GRIN2B: variants seen among roughly 807,000 people sequenced by gnomAD.
The protein encoded by GRIN2B is glutamate receptor ionotropic, NMDA 2B.
A neutral mutation model predicts 114.5 loss-of-function variants in GRIN2B; 5 were observed. The observed-to-expected ratio is 0.04, with a 90% CI of 0.02 to 0.09. GRIN2B has a LOEUF of 0.09. GRIN2B is among the 10% of genes least tolerant of loss of function. The pLI is 1.00. For synonymous variants in GRIN2B, 787 were observed against 745.1 expected, an observed-to-expected ratio of 1.06 and a Z score of -0.92; for missense variants, 1,108 against 1,943.5, an observed-to-expected ratio of 0.57 and a Z score of 8.08.
At position 13,592,523 on chromosome 12, in the gene GRIN2B, T is replaced by G. The variant is rs1465550116; in HGVS notation, c.2010+16080A>C. Among the ~76,000 whole-genome samples, 3 of 152,338 alleles carry G rather than the reference T, an allele frequency of 2.0e-5. No individual in the cohort carries two copies. The South Asian group carries it at 6.2e-4, about 32-fold the overall frequency. On this transcript the variant is annotated intron_variant, in intron 10 of 13. Coordinates refer to ENST00000609686, the MANE Select transcript of GRIN2B (RefSeq NM_000834.5). ...CTGCCTTTCTTTACCCACAACTGTC[T>G]TGGTAAATTCTTTTACCACCTGTGA...
chr12:13,792,934 T>C (rs1591733993), intron 3 of GRIN2B, among the ~76,000 whole-genome samples: 1 of 152,358 alleles, frequency 6.6e-6, no homozygotes, highest in Non-Finnish European at 1.5e-5. Flanking sequence ...TGGAGGATTG[T>C]GGTCTTAAAT....
chr12:13,628,670 A>G (rs551945236), intron 5 of GRIN2B, among the ~76,000 whole-genome samples: 70 of 152,358 alleles, frequency 4.6e-4, no homozygotes, highest in South Asian at 6.2e-4. Flanking sequence ...ATCAGATGAG[A>G]CTGCAGAGAG....
intron 4 of GRIN2B, among the ~76,000 whole-genome samples, chr12:13,746,889 C>T (rs1309731694): frequency 6.6e-6 from 1 of 152,202 alleles, no homozygotes; most frequent in Non-Finnish European, 1.5e-5. Context: ...CCACCTTCCA[C>T]CATGAGTGGA....
At chr12:13,841,248 G>C (rs764222643) in intron 3 of GRIN2B, among the ~76,000 whole-genome samples, 2 of 152,142 alleles carry the variant, frequency 1.3e-5, no homozygotes, top group Non-Finnish European at 2.9e-5. Context: ...CACACAGCTA[G>C]CCATGCCGGA....
At chr12:13,871,930 C>T (rs1235448384) in intron 2 of GRIN2B, among the ~76,000 whole-genome samples, 3 of 152,056 alleles carry the variant, frequency 2.0e-5, no homozygotes, top group Non-Finnish European at 4.4e-5. Context: ...AAAGCCCACA[C>T]CCCTAATGTG....
Position 13,550,484 on chromosome 12 carries a change from A to G in GRIN2B, c.*12299T>C, listed in dbSNP as rs1274885950. The G allele has an allele frequency of 6.6e-6, 1 of 152,218 alleles. No homozygotes were observed. The highest frequency in any genetic ancestry group is 1.5e-5 in the Non-Finnish European group (1 of 68,036). 9.4% of individuals were successfully genotyped at this position (152,218 alleles called of 1,614,324 possible). Reference sequence around the variant, plus strand: ...AAGGTGTGCAAGAGTCTCAGGAGGAATTCTGTCATAAAGAATATGTATGTA... The same window carrying G: ...AAGGTGTGCAAGAGTCTCAGGAGGAGTTCTGTCATAAAGAATATGTATGTA... On this transcript the variant is annotated 3_prime_UTR_variant, in exon 14 of 14. Transcript: ENST00000609686.
At chr12:13,840,624 A>C (rs1168643684) in intron 3 of GRIN2B, among the ~76,000 whole-genome samples, 2 of 152,180 alleles carry the variant, frequency 1.3e-5, no homozygotes, top group Non-Finnish European at 2.9e-5. Context: ...TAATATAGCC[A>C]CTGTAATAAA....
chr12:13,764,636 G>A (rs775515658), intron 3 of GRIN2B, among the ~76,000 whole-genome samples: 1 of 152,162 alleles, frequency 6.6e-6, no homozygotes, highest in South Asian at 2.1e-4. Flanking sequence ...TAAGAACTTG[G>A]CAAGTAAAAG....
chr12:13,812,580 A>G (rs1255462856), intron 3 of GRIN2B, among the ~76,000 whole-genome samples: 2 of 152,232 alleles, frequency 1.3e-5, no homozygotes, highest in Non-Finnish European at 2.9e-5. Flanking sequence ...ATATTAGTAC[A>G]ATATTCAACA....
intron 10 of GRIN2B, among the ~76,000 whole-genome samples, chr12:13,589,422 G>A (rs1292421331): frequency 6.6e-6 from 1 of 152,162 alleles, no homozygotes; most frequent in African/African-American, 2.4e-5. Flanking sequence ...TCTATTCTGA[G>A]GGCCTCTAGG....
chr12:13,781,055 A>T (rs530973658), intron 3 of GRIN2B, among the ~76,000 whole-genome samples: 2 of 152,072 alleles, frequency 1.3e-5, no homozygotes, highest in African/African-American at 2.4e-5. Flanking sequence ...TAGAAAAAAT[A>T]AAAAAATAAC....
chr12:13,798,829 A>G (rs1484639292), intron 3 of GRIN2B, among the ~76,000 whole-genome samples: 1 of 152,234 alleles, frequency 6.6e-6, no homozygotes, highest in Non-Finnish European at 1.5e-5. Flanking sequence ...TGTCCTCATG[A>G]CGATCTCTGT....
chr12:13,816,561 A>G (rs1404902153), intron 3 of GRIN2B, among the ~76,000 whole-genome samples: 2 of 152,168 alleles, frequency 1.3e-5, no homozygotes, highest in African/African-American at 4.8e-5. Context: ...CACTCTGGGA[A>G]GGAGTGAGCA....
intron 2 of GRIN2B, among the ~76,000 whole-genome samples, chr12:13,931,437 G>C (rs575458080): frequency 1.3e-5 from 2 of 152,186 alleles, no homozygotes; most frequent in Admixed American, 6.5e-5. Context: ...AGTCTTTTCT[G>C]TCTCTCTCTG....
intron 10 of GRIN2B, among the ~76,000 whole-genome samples, chr12:13,581,214 T>C (rs1478127751): frequency 6.6e-6 from 1 of 152,058 alleles, no homozygotes; most frequent in East Asian, 1.9e-4. Context: ...GCTCCCAAAG[T>C]TTTTTACAGC....
intron 5 of GRIN2B, among the ~76,000 whole-genome samples, chr12:13,668,706 T>C (rs1458305688): frequency 6.6e-6 from 1 of 151,970 alleles, no homozygotes; most frequent in Non-Finnish European, 1.5e-5. Context: ...ATCAACCCAA[T>C]GTTAGATGGT....
chr12:13,744,578 A>C (rs1863342774), intron 4 of GRIN2B, among the ~76,000 whole-genome samples: 1 of 152,190 alleles, frequency 6.6e-6, no homozygotes, highest in Admixed American at 6.5e-5. Context: ...GACAGAAAAG[A>C]ATAAAGAAAG....
intron 2 of GRIN2B, among the ~76,000 whole-genome samples, chr12:13,918,401 T>A (rs1243333681): frequency 1.3e-5 from 2 of 152,056 alleles, no homozygotes; most frequent in East Asian, 3.9e-4. Context: ...CAAGACCCTG[T>A]CTCAAAAAAA....
chr12:13,785,863 G>A (rs538071101), intron 3 of GRIN2B, among the ~76,000 whole-genome samples: 1 of 152,164 alleles, frequency 6.6e-6, no homozygotes, highest in African/African-American at 2.4e-5. Context: ...TCTACTAAGA[G>A]GCAGAGCTAA....
Sources: allele counts gnomAD v4.1 joint callset (sites outside exome capture counted in the v4.1 genomes callset), GRCh38; gene constraint gnomAD v4.1.1; transcripts MANE v1.5; gene names NCBI Gene and HGNC (gene_info 2026-07-23, HGNC 2026-07-21).